The following FBXL7 variants were observed in gnomAD, a reference collection of about 807,000 sequenced individuals.
FBXL7 encodes F-box/LRR-repeat protein 7.
FBXL7 carries 12 observed loss-of-function variants against 38.3 expected under a neutral mutation model. The ratio of observed to expected loss-of-function variants is 0.31; its 90% CI spans 0.20 to 0.51. The LOEUF (loss-of-function observed/expected upper bound fraction) is 0.51. Among genes scored for constraint, FBXL7 ranks in the 20% least tolerant of loss-of-function variants. FBXL7 has a pLI of 0.98. For synonymous variants in FBXL7, 297 were observed against 300.9 expected (o/e 0.99, Z 0.13); for missense variants, 567 against 676.4 (o/e 0.84, Z 1.79).
At chr5:15,535,085 A>T (rs1737542113) in intron 1 of FBXL7, among the ~76,000 whole-genome samples, 1 of 152,182 alleles carries the variant, frequency 6.6e-6, no homozygotes, top group African/African-American at 2.4e-5. Context: ...TGGCCATGTA[A>T]GATGTGCCTT....
At chr5:15,613,883 G>C (rs368127907) in intron 1 of FBXL7, among the ~76,000 whole-genome samples, 1 of 152,142 alleles carries the variant, frequency 6.6e-6, no homozygotes, top group Non-Finnish European at 1.5e-5. Context: ...AAAGATCAAG[G>C]TGCCAGCAGA....
chr5:15,674,989 A>G (rs189354427), intron 2 of FBXL7, among the ~76,000 whole-genome samples: 2 of 152,310 alleles, frequency 1.3e-5, no homozygotes, highest in African/African-American at 2.4e-5. Context: ...AATGAACCTG[A>G]TATCAACAGA....
chr5:15,697,962 C>G (rs895231941), intron 2 of FBXL7, among the ~76,000 whole-genome samples: 6 of 152,210 alleles, frequency 3.9e-5, no homozygotes, highest in Non-Finnish European at 8.8e-5. Context: ...GTGAGACCCA[C>G]CTACTCACTC....
intron 2 of FBXL7, among the ~76,000 whole-genome samples, chr5:15,814,640 T>A (rs418619): frequency 0.57 from 85,925 of 151,526 alleles, 24,927 homozygotes; most frequent in Non-Finnish European, 0.64. Flanking sequence ...TGTAAAAAAA[T>A]TTTTTTTAAT....
chr5:15,898,556 T>C (rs971986816), intron 2 of FBXL7, among the ~76,000 whole-genome samples: 2 of 152,228 alleles, frequency 1.3e-5, no homozygotes, highest in Non-Finnish European at 2.9e-5. Context: ...AAAGGAGATT[T>C]GTGCATTGAT....
intron 1 of FBXL7, among the ~76,000 whole-genome samples, chr5:15,515,462 G>A (rs1341522244): frequency 6.6e-6 from 1 of 152,168 alleles, no homozygotes; most frequent in African/African-American, 2.4e-5. Flanking sequence ...TGGGTCTAGA[G>A]ACCATTTGCC....
chr5:15,926,312 A>G (rs1193607621), intron 2 of FBXL7, among the ~76,000 whole-genome samples: 2 of 148,568 alleles, frequency 1.3e-5, no homozygotes, highest in Non-Finnish European at 3.0e-5. Flanking sequence ...TCCAATGTAT[A>G]TTGTATATAA....
At chr5:15,541,839 C>T (rs1285362912) in intron 1 of FBXL7, among the ~76,000 whole-genome samples, 1 of 152,048 alleles carries the variant, frequency 6.6e-6, no homozygotes, top group East Asian at 1.9e-4. Flanking sequence ...GCCACCATGC[C>T]TGGCTCCCAC....
At chr5:15,602,519 C>T (rs1364924752) in intron 1 of FBXL7, among the ~76,000 whole-genome samples, 3 of 152,074 alleles carry the variant, frequency 2.0e-5, no homozygotes, top group African/African-American at 7.2e-5. Context: ...GGGGACAAGG[C>T]AGACATGGAG....
chr5:15,819,706 T>G (rs1305925074), intron 2 of FBXL7, among the ~76,000 whole-genome samples: 6 of 152,118 alleles, frequency 3.9e-5, no homozygotes, highest in Admixed American at 1.3e-4. Flanking sequence ...TCAACCAGTT[T>G]GCAAATTAAA....
intron 2 of FBXL7, among the ~76,000 whole-genome samples, chr5:15,875,881 A>AT (rs1282323218): frequency 2.9e-4 from 44 of 152,308 alleles, no homozygotes; most frequent in Middle Eastern, 3.4e-3. Flanking sequence ...ATACCATTTG[A>AT]CCCAGCAATC....
intron 2 of FBXL7, among the ~76,000 whole-genome samples, chr5:15,683,702 C>T (rs2126613195): frequency 6.6e-6 from 1 of 152,236 alleles, no homozygotes; most frequent in East Asian, 1.9e-4. Flanking sequence ...CTTAAGAGAG[C>T]TAAGTAGTTT....
chr5:15,609,187 G>A (rs771033988), intron 1 of FBXL7, among the ~76,000 whole-genome samples: 25 of 152,138 alleles, frequency 1.6e-4, no homozygotes, highest in Admixed American at 4.6e-4. Context: ...GCTACTCACT[G>A]GGCTGCCCAT....
At chr5:15,560,518 C>T (rs1247079672) in intron 1 of FBXL7, among the ~76,000 whole-genome samples, 6 of 152,172 alleles carry the variant, frequency 3.9e-5, no homozygotes, top group Admixed American at 3.3e-4. Context: ...GAGTTCTTTC[C>T]TAGGTGCTGA....
intron 1 of FBXL7, among the ~76,000 whole-genome samples, chr5:15,519,342 C>CA (rs1561012980): frequency 1.4e-5 from 2 of 147,856 alleles, no homozygotes; most frequent in African/African-American, 5.0e-5. Flanking sequence ...GACTCCATCT[C>CA]AAAAAAAAAT....
At chr5:15,902,686 A>C (rs1248550686) in intron 2 of FBXL7, among the ~76,000 whole-genome samples, 1 of 152,226 alleles carries the variant, frequency 6.6e-6, no homozygotes, top group Non-Finnish European at 1.5e-5. Flanking sequence ...ATAGATTTCA[A>C]GTTGGCTTGG....
chr5:15,649,064 T>A (rs925271430), intron 2 of FBXL7, among the ~76,000 whole-genome samples: 1 of 152,174 alleles, frequency 6.6e-6, no homozygotes, highest in African/African-American at 2.4e-5. Context: ...TGGCATGATC[T>A]TGGCTCACTG....
Position 15,783,083 on chromosome 5 carries a change from C to A in FBXL7, c.128-144807C>A, listed in dbSNP as rs549595759. Among the ~76,000 whole-genome samples the A allele has an allele frequency of 2.0e-5, 3 of 152,102 alleles. No individual in the cohort carries two copies. In the South Asian group the frequency reaches 6.2e-4, roughly 32 times the overall value. ...GAAATTTGGGGGTTTGACAGGTGAA[C>A]CCACAGCAGAAGAGAGAAGCAACGA... On this transcript the variant is annotated intron_variant, in intron 2 of 3. Coordinates refer to ENST00000504595, the MANE Select transcript of FBXL7 (RefSeq NM_012304.5).
chr5:15,820,519 A>G (rs1179879242), intron 2 of FBXL7, among the ~76,000 whole-genome samples: 1 of 152,114 alleles, frequency 6.6e-6, no homozygotes, highest in African/African-American at 2.4e-5. Flanking sequence ...GCCCCATGCA[A>G]GATGCCTCCC....
Sources: gnomAD v4.1 joint callset for allele counts (sites outside exome capture counted in the v4.1 genomes callset) on GRCh38, gnomAD v4.1.1 for gene constraint, MANE v1.5 for transcripts, NCBI Gene and HGNC (gene_info 2026-07-23, HGNC 2026-07-21) for gene names.